CCDC148: variants seen among roughly 807,000 people sequenced by gnomAD.
CCDC148 encodes the protein coiled-coil domain containing 148.
In CCDC148, 89 loss-of-function variants were observed where a neutral mutation model predicts 85.7. That is an observed-to-expected ratio of 1.04 (90% CI 0.87 to 1.24). CCDC148 has a LOEUF of 1.24. Among genes scored for constraint, CCDC148 ranks in the 50% most tolerant of loss-of-function variants. The probability of loss-of-function intolerance (pLI) is 0.00; values close to 1 mark genes in which losing one functional copy is unlikely to be tolerated. For missense variants in CCDC148, 692 were observed against 671.7 expected (o/e 1.03, Z -0.33); for synonymous variants, 230 against 213.9 (o/e 1.08, Z -0.66).
intron 7 of CCDC148, among the ~76,000 whole-genome samples, chr2:158,323,709 T>C (rs891675246): frequency 3.3e-5 from 5 of 152,156 alleles, no homozygotes; most frequent in African/African-American, 9.7e-5. Flanking sequence ...AGCTATAGTT[T>C]CTTCATCTGT....
At chr2:158,378,891 G>A (rs956292487) in intron 1 of CCDC148, among the ~76,000 whole-genome samples, 2 of 152,084 alleles carry the variant, frequency 1.3e-5, no homozygotes, top group Non-Finnish European at 2.9e-5. Flanking sequence ...CGTCAGCCAC[G>A]AGCTCTGAAG....
At chr2:158,418,837 C>A (rs892988616) in intron 1 of CCDC148, among the ~76,000 whole-genome samples, 1 of 151,918 alleles carries the variant, frequency 6.6e-6, no homozygotes, top group Non-Finnish European at 1.5e-5. Flanking sequence ...AGGAAGCATA[C>A]AATAAACGTG....
chr2:158,440,792 A>C (rs1271554267), intron 1 of CCDC148, among the ~76,000 whole-genome samples: 3 of 152,230 alleles, frequency 2.0e-5, no homozygotes, highest in Non-Finnish European at 4.4e-5. Flanking sequence ...CTCAGCAATA[A>C]AAAGGAATGA....
chr2:158,437,056 G>T (rs997106731), intron 1 of CCDC148, among the ~76,000 whole-genome samples: 3 of 152,160 alleles, frequency 2.0e-5, no homozygotes, highest in Non-Finnish European at 2.9e-5. Flanking sequence ...GTAGAATGAG[G>T]AGCTGGTACC....
intron 7 of CCDC148, among the ~76,000 whole-genome samples, chr2:158,317,545 C>A (rs1347255907): frequency 1.3e-5 from 2 of 152,154 alleles, no homozygotes; most frequent in African/African-American, 4.8e-5. Context: ...CTGACCCAAG[C>A]CAATTGTCTC....
At chr2:158,346,709 C>G (rs1683012859) in intron 2 of CCDC148, among the ~76,000 whole-genome samples, 1 of 152,070 alleles carries the variant, frequency 6.6e-6, no homozygotes, top group African/African-American at 2.4e-5. Flanking sequence ...TTCATAATTT[C>G]TCTGCTGTTA....
intron 1 of CCDC148, among the ~76,000 whole-genome samples, chr2:158,401,399 A>T (rs1161597619): frequency 6.6e-6 from 1 of 152,176 alleles, no homozygotes; most frequent in Non-Finnish European, 1.5e-5. Flanking sequence ...TGTCCTTTGC[A>T]GGGACATGGA....
At chr2:158,235,880 A>C (rs562284600) in intron 10 of CCDC148, 15 of 152,420 alleles carry the variant, frequency 9.8e-5, no homozygotes, top group African/African-American at 3.6e-4. Flanking sequence ...ATCTTTGGTG[A>C]AGGACACAAC....
intron 1 of CCDC148, among the ~76,000 whole-genome samples, chr2:158,425,578 T>C (rs372829019): frequency 6.6e-6 from 1 of 152,198 alleles, no homozygotes; most frequent in African/African-American, 2.4e-5. Context: ...AATGCTTCCT[T>C]ATGTGATTAT....
intron 9 of CCDC148, among the ~76,000 whole-genome samples, chr2:158,253,490 T>C (rs1688882961): frequency 6.6e-6 from 1 of 151,656 alleles, no homozygotes; most frequent in Non-Finnish European, 1.5e-5. Flanking sequence ...TTTTTATCTC[T>C]CTTGTCTTAT....
chr2:158,406,629 T>TGTTTTTGTTTTTGTTTTTG lies in CCDC148; in HGVS notation c.26-48060_26-48059insCAAAAACAAAAACAAAAAC, dbSNP rs780106866. ...ATTAAATTTCTTTTTTTTTTTTTTT[T>TGTTTTTGTTTTTGTTTTTG]TTTTTTTTTTTGAGACAGTGTCTCC... is the stretch of plus-strand genomic sequence containing the variant. On this transcript the variant is annotated intron_variant, in intron 1 of 13. Transcript: ENST00000283233. Among the ~76,000 whole-genome samples, 144 of 117,510 alleles carry TGTTTTTGTTTTTGTTTTTG rather than the reference T, an allele frequency of 1.2e-3. 8 individuals carry two copies. Among genetic ancestry groups the TGTTTTTGTTTTTGTTTTTG allele is most frequent in the East Asian group, 5.2e-3 (20 of 3,810 alleles). The allele number at this position is 117,510 out of a possible 152,430, so 77.1% of individuals were successfully genotyped here.
At chr2:158,343,094 A>G (rs865978752) in intron 3 of CCDC148, among the ~76,000 whole-genome samples, 1 of 152,132 alleles carries the variant, frequency 6.6e-6, no homozygotes, top group Non-Finnish European at 1.5e-5. Flanking sequence ...ATCATAATGT[A>G]CTGAAGACTT....
chr2:158,240,959 C>T (rs1169605039), intron 10 of CCDC148, among the ~76,000 whole-genome samples: 1 of 152,134 alleles, frequency 6.6e-6, no homozygotes, highest in East Asian at 1.9e-4. Flanking sequence ...AGAGTATTCA[C>T]ACTAGGAAGC....
At chr2:158,401,208 C>T (rs1685766615) in intron 1 of CCDC148, among the ~76,000 whole-genome samples, 1 of 152,112 alleles carries the variant, frequency 6.6e-6, no homozygotes, top group Non-Finnish European at 1.5e-5. Context: ...TGGGTATATA[C>T]CCAAACGATT....
chr2:158,308,994 C>G (rs570554006), intron 9 of CCDC148, among the ~76,000 whole-genome samples: 2 of 152,300 alleles, frequency 1.3e-5, no homozygotes, highest in Admixed American at 1.3e-4. Context: ...ACACACAGCC[C>G]AGCAAGCTTG....
chr2:158,357,144 G>A (rs1032471473), intron 2 of CCDC148, among the ~76,000 whole-genome samples: 1 of 151,088 alleles, frequency 6.6e-6, no homozygotes, highest in African/African-American at 2.4e-5. Flanking sequence ...ACGAGTTAGT[G>A]GGTGCAGTGC....
chr2:158,364,221 A>T (rs1684099379), intron 1 of CCDC148, among the ~76,000 whole-genome samples: 1 of 152,244 alleles, frequency 6.6e-6, no homozygotes, highest in Non-Finnish European at 1.5e-5. Flanking sequence ...ATATCGTGAA[A>T]ATGGCCATAC....
At chr2:158,268,390 A>G (rs978243782) in intron 9 of CCDC148, among the ~76,000 whole-genome samples, 25 of 152,152 alleles carry the variant, frequency 1.6e-4, no homozygotes, top group African/African-American at 6.0e-4. Flanking sequence ...TTATTAGCTG[A>G]TAAATCAAAC....
intron 7 of CCDC148, among the ~76,000 whole-genome samples, chr2:158,324,729 A>AC (rs79596696): frequency 0.35 from 52,584 of 151,942 alleles, 9,331 homozygotes; most frequent in African/African-American, 0.43. Context: ...ACAATGTTTT[A>AC]CATTTTATAG....
Sources: allele counts gnomAD v4.1 joint callset (sites outside exome capture counted in the v4.1 genomes callset), GRCh38; gene constraint gnomAD v4.1.1; transcripts MANE v1.5; gene names NCBI Gene and HGNC (gene_info 2026-07-23, HGNC 2026-07-21).